Variants in CPNE4 observed in about 807,000 individuals in gnomAD.
The protein encoded by CPNE4 is copine 4.
A neutral mutation model predicts 67.9 loss-of-function variants in CPNE4; 25 were observed. That is an observed-to-expected ratio of 0.37 (90% confidence interval 0.27 to 0.51). The LOEUF (loss-of-function observed/expected upper bound fraction) is 0.51. Among genes scored for constraint, CPNE4 ranks in the 20% least tolerant of loss-of-function variants. The pLI, the probability that CPNE4 is intolerant of heterozygous loss-of-function variation, is 0.93. For synonymous variants in CPNE4, 242 were observed against 244.9 expected (o/e 0.99, Z 0.11); for missense variants, 464 against 690.8 (o/e 0.67, Z 3.68).
chr3:131,865,201 C>T (rs2086883818), intron 2 of CPNE4, among the ~76,000 whole-genome samples: 1 of 152,126 alleles, frequency 6.6e-6, no homozygotes, highest in African/African-American at 2.4e-5. Flanking sequence ...GCTTTGGTAT[C>T]AGGATAATGC....
chr3:131,543,399 C>T (rs1033664972), intron 14 of CPNE4, among the ~76,000 whole-genome samples: 4 of 152,152 alleles, frequency 2.6e-5, no homozygotes, highest in Admixed American at 2.6e-4. Context: ...GTAGATTAAT[C>T]TACTTTTTCT....
chr3:131,886,847 G>C (rs984471060), intron 2 of CPNE4, among the ~76,000 whole-genome samples: 38 of 152,192 alleles, frequency 2.5e-4, no homozygotes, highest in African/African-American at 9.2e-4. Flanking sequence ...CCCAATGTTT[G>C]TACCCCCATC....
rs536717503 is a variant in CPNE4, at chr3:131,838,238, A to T, written c.180+67026T>A. The stretch of plus-strand genomic sequence containing the variant: ...CATTTGACAAAATTATAAGACATTC[A>T]TGTTGACTCTTTCTATGCAAATGGA... On this transcript the variant is annotated intron_variant, in intron 2 of 15. Coordinates refer to ENST00000429747, the MANE Select transcript of CPNE4 (RefSeq NM_130808.3). Among the ~76,000 whole-genome samples, 272 of 152,164 alleles carry T rather than the reference A, an allele frequency of 1.8e-3. 1 individual carries two copies. Among genetic ancestry groups the T allele is most frequent in the African/African-American group, 6.2e-3 (257 of 41,578 alleles).
intron 2 of CPNE4, among the ~76,000 whole-genome samples, chr3:131,744,869 C>T (rs1352442013): frequency 6.6e-6 from 1 of 152,170 alleles, no homozygotes; most frequent in Admixed American, 6.5e-5. Flanking sequence ...TTCTGGGCTA[C>T]TGCAGATGGG....
At chr3:131,537,964 T>C (rs1241704825) in intron 15 of CPNE4, among the ~76,000 whole-genome samples, 3 of 152,188 alleles carry the variant, frequency 2.0e-5, no homozygotes, top group Non-Finnish European at 4.4e-5. Flanking sequence ...TCCGGTGCAC[T>C]GCAGGAAGTT....
intron 1 of CPNE4, among the ~76,000 whole-genome samples, chr3:131,962,828 G>A (rs1165108979): frequency 6.6e-6 from 1 of 151,832 alleles, no homozygotes; most frequent in African/African-American, 2.4e-5. Flanking sequence ...AAAAAATGTT[G>A]TTCTATATTG....
chr3:131,744,714 T>C (rs1398726999), intron 2 of CPNE4, among the ~76,000 whole-genome samples: 4 of 152,264 alleles, frequency 2.6e-5, no homozygotes. Context: ...TTAGCTTTTA[T>C]TACTCAACAT....
At chr3:131,927,388 C>A (rs1473659111) in intron 1 of CPNE4, among the ~76,000 whole-genome samples, 1 of 151,858 alleles carries the variant, frequency 6.6e-6, no homozygotes, top group Non-Finnish European at 1.5e-5. Context: ...GCACACAGAG[C>A]CCTTCTCCCA....
rs116306215 is a variant in CPNE4, at chr3:132,001,157, C to G, written c.-2+33410G>C. Among the ~76,000 whole-genome samples, 398 of 152,058 alleles carry G rather than the reference C, an allele frequency of 2.6e-3. 4 individuals are homozygous for G. Among genetic ancestry groups the G allele is most frequent in the African/African-American group, 9.0e-3 (375 of 41,530 alleles). ...GAAAGATCTGAATATTATCACTGAT[C>G]AAAAAAGCAAGGCAAATTAAAGGAA... On this transcript the variant is annotated intron_variant, in intron 1 of 15. Transcript: ENST00000429747.
intron 1 of CPNE4, among the ~76,000 whole-genome samples, chr3:131,938,428 CTT>C (rs750644127): frequency 5.9e-5 from 9 of 151,526 alleles, no homozygotes; most frequent in Non-Finnish European, 8.8e-5. Flanking sequence ...ATTAGGGAGA[CTT>C]AATATAATAA....
intron 2 of CPNE4, among the ~76,000 whole-genome samples, chr3:131,767,004 A>C (rs1048335446): frequency 6.6e-6 from 1 of 152,148 alleles, no homozygotes; most frequent in Admixed American, 6.6e-5. Context: ...AAACGAAAAC[A>C]GTTAGATTTG....
chr3:131,894,708 A>G (rs2088253967), intron 2 of CPNE4, among the ~76,000 whole-genome samples: 1 of 152,018 alleles, frequency 6.6e-6, no homozygotes, highest in Non-Finnish European at 1.5e-5. Context: ...AAGACAAAGG[A>G]AAATAAGTGT....
intron 8 of CPNE4, among the ~76,000 whole-genome samples, chr3:131,586,469 TCA>T (rs1938187307): frequency 6.6e-6 from 1 of 152,190 alleles, no homozygotes; most frequent in African/African-American, 2.4e-5. Flanking sequence ...AGCATACACC[TCA>T]GAGTTTTGCC....
intron 2 of CPNE4, among the ~76,000 whole-genome samples, chr3:131,752,777 ACCAAG>A (rs2082662270): frequency 6.6e-6 from 1 of 152,160 alleles, no homozygotes; most frequent in Non-Finnish European, 1.5e-5. Context: ...TGCAAATCAT[ACCAAG>A]ATTTTGAATG....
intron 1 of CPNE4, among the ~76,000 whole-genome samples, chr3:132,015,414 T>G (rs2073867538): frequency 6.6e-6 from 1 of 152,132 alleles, no homozygotes; most frequent in African/African-American, 2.4e-5. Flanking sequence ...AAGTTTCACC[T>G]GATAAAAGAA....
chr3:131,605,313 A>G (rs377441643), intron 7 of CPNE4, among the ~76,000 whole-genome samples: 1 of 152,060 alleles, frequency 6.6e-6, no homozygotes, highest in South Asian at 2.1e-4. Context: ...GCTTTGTTAC[A>G]TGGGGTATGA....
chr3:132,037,499 C>G, upstream of CPNE4: 1 of 1,371,622 alleles, frequency 7.3e-7, no homozygotes, highest in Admixed American at 2.0e-5. Flanking sequence ...AAGTTGCCCG[C>G]CAGCCACAGT....
At chr3:131,781,626 C>A (rs2083434097) in intron 2 of CPNE4, among the ~76,000 whole-genome samples, 1 of 152,038 alleles carries the variant, frequency 6.6e-6, no homozygotes, top group African/African-American at 2.4e-5. Flanking sequence ...AAGAAAAACA[C>A]CCATTGGGTG....
chr3:131,626,378 C>T (rs1335185725), intron 7 of CPNE4, among the ~76,000 whole-genome samples: 1 of 152,148 alleles, frequency 6.6e-6, no homozygotes, highest in Non-Finnish European at 1.5e-5. Flanking sequence ...CTCTAGTGAA[C>T]ATATCAATGG....
Sources: allele counts gnomAD v4.1 joint callset (sites outside exome capture counted in the v4.1 genomes callset), GRCh38; gene constraint gnomAD v4.1.1; transcripts MANE v1.5; gene names NCBI Gene and HGNC (gene_info 2026-07-23, HGNC 2026-07-21).